Variants in NEGR1 observed in about 807,000 individuals in gnomAD.
The protein encoded by NEGR1 is IgLON family member 4.
A neutral mutation model predicts 40.9 loss-of-function variants in NEGR1; 10 were observed. The observed-to-expected ratio is 0.24, with a 90% CI of 0.15 to 0.42. NEGR1 has a LOEUF of 0.42. Ranked by LOEUF, NEGR1 falls within the 10% of genes least tolerant of loss-of-function variation. NEGR1 has a pLI of 1.00. For missense variants in NEGR1, 352 were observed against 438.9 expected (o/e 0.80, Z 1.77); for synonymous variants, 185 against 166.8 (o/e 1.11, Z -0.84).
At chr1:72,182,234 C>T (rs911660270) in intron 1 of NEGR1, among the ~76,000 whole-genome samples, 2 of 152,114 alleles carry the variant, frequency 1.3e-5, no homozygotes, top group African/African-American at 2.4e-5. Context: ...TGGCTTTTGC[C>T]TGTAATCCCA....
At chr1:71,924,393 C>A (rs900753607) in intron 2 of NEGR1, among the ~76,000 whole-genome samples, 2 of 152,168 alleles carry the variant, frequency 1.3e-5, no homozygotes, top group Non-Finnish European at 2.9e-5. Context: ...CCTGCCTGCT[C>A]TTTTAAAATG....
At chr1:72,170,338 TATAGCA>T (rs957253068) in intron 1 of NEGR1, among the ~76,000 whole-genome samples, 1 of 152,162 alleles carries the variant, frequency 6.6e-6, no homozygotes, top group Non-Finnish European at 1.5e-5. Flanking sequence ...GATTTATTTT[TATAGCA>T]ATTATTATCA....
At chr1:71,628,079 T>C (rs637576) in intron 4 of NEGR1, among the ~76,000 whole-genome samples, 2,707 of 152,158 alleles carry the variant, frequency 0.018, 74 homozygotes, top group African/African-American at 0.062. Context: ...GGGAATGTAT[T>C]TGGAAATTGA....
intron 1 of NEGR1, among the ~76,000 whole-genome samples, chr1:72,221,656 T>C (rs1239725089): frequency 6.6e-6 from 1 of 152,090 alleles, no homozygotes; most frequent in Non-Finnish European, 1.5e-5. Flanking sequence ...CCCCAGAAAG[T>C]AGCCTTAAAC....
chr1:71,738,784 T>C (rs1437360866), intron 3 of NEGR1, among the ~76,000 whole-genome samples: 1 of 152,060 alleles, frequency 6.6e-6, no homozygotes, highest in Non-Finnish European at 1.5e-5. Context: ...TTAAAAAATG[T>C]TTCTGGGACC....
intron 2 of NEGR1, among the ~76,000 whole-genome samples, chr1:71,874,555 ATCT>A (rs1330222826): frequency 6.6e-6 from 1 of 152,008 alleles, no homozygotes; most frequent in African/African-American, 2.4e-5. Flanking sequence ...TTTATGGTGT[ATCT>A]TCTTCTCTAT....
In NEGR1 at chr1:72,217,521, G is replaced by T. The variant is rs137957400; in HGVS notation, c.176+64798C>A. On this transcript the variant is annotated intron_variant, in intron 1 of 6. Coordinates refer to ENST00000357731, the MANE Select transcript of NEGR1 (RefSeq NM_173808.3). ...AAAAATATTAATACTTGGTAGCAAT[G>T]GGAAAAAACAGCATTACTTGGCAAT... Among the ~76,000 whole-genome samples the T allele has an allele frequency of 6.6e-3, 1,006 of 151,632 alleles. 16 individuals are homozygous for T. The highest frequency in any genetic ancestry group is 0.023 in the African/African-American group (958 of 41,452).
At chr1:71,676,376 T>G (rs961984152) in intron 4 of NEGR1, among the ~76,000 whole-genome samples, 1 of 53,960 alleles carries the variant, frequency 1.9e-5, no homozygotes, top group African/African-American at 6.5e-5. Context: ...AAAAATGATC[T>G]TGTGGCCTCA....
At chr1:72,022,723 T>C (rs528383200) in intron 1 of NEGR1, among the ~76,000 whole-genome samples, 1 of 152,208 alleles carries the variant, frequency 6.6e-6, no homozygotes, top group African/African-American at 2.4e-5. Flanking sequence ...TAGTATAATC[T>C]GACAAGAAAA....
At chr1:72,254,122 TTC>T (rs1456988575) in intron 1 of NEGR1, among the ~76,000 whole-genome samples, 4 of 152,218 alleles carry the variant, frequency 2.6e-5, no homozygotes, top group Non-Finnish European at 5.9e-5. Context: ...AATTTCACAC[TTC>T]TCTGTTTCTA....
At chr1:71,833,045 T>G (rs988872600) in intron 2 of NEGR1, among the ~76,000 whole-genome samples, 7 of 152,032 alleles carry the variant, frequency 4.6e-5, no homozygotes, top group African/African-American at 1.7e-4. Flanking sequence ...AATAGATCCA[T>G]AAATCTAAAG....
At chr1:72,070,570 T>C (rs554650558) in intron 1 of NEGR1, among the ~76,000 whole-genome samples, 8 of 152,156 alleles carry the variant, frequency 5.3e-5, no homozygotes, top group African/African-American at 1.9e-4. Flanking sequence ...GATTCTAAAC[T>C]CATCTTTTTG....
At chr1:71,498,937 G>C (rs986003325) in intron 6 of NEGR1, among the ~76,000 whole-genome samples, 1 of 152,186 alleles carries the variant, frequency 6.6e-6, no homozygotes, top group African/African-American at 2.4e-5. Flanking sequence ...GATGCAGCCA[G>C]TTTTATCCAA....
At chr1:72,240,772 C>T (rs1654706570) in intron 1 of NEGR1, among the ~76,000 whole-genome samples, 1 of 151,814 alleles carries the variant, frequency 6.6e-6, no homozygotes, top group Admixed American at 6.6e-5. Flanking sequence ...CCTGGGATGG[C>T]TTCACCAGAG....
At position 72,194,840 on chromosome 1, in the gene NEGR1, T is replaced by G. The variant is rs757309547; in HGVS notation, c.176+87479A>C. Among the ~76,000 whole-genome samples, 39 of 152,090 alleles carry G rather than the reference T, an allele frequency of 2.6e-4. 2 individuals are homozygous for G. The highest frequency in any genetic ancestry group is 8.8e-5 in the Non-Finnish European group (6 of 67,990). On this transcript the variant is annotated intron_variant, in intron 1 of 6. Transcript: ENST00000357731. ...GACATTCATGTTGTATCAGATGTTTTCATTGGCCTCAGCTCTTCTGCACAT... is the reference window on the plus strand; with the variant it reads ...GACATTCATGTTGTATCAGATGTTTGCATTGGCCTCAGCTCTTCTGCACAT...
chr1:72,224,261 G>A (rs1339912571), intron 1 of NEGR1, among the ~76,000 whole-genome samples: 1 of 151,272 alleles, frequency 6.6e-6, no homozygotes. Flanking sequence ...AACTATGTCA[G>A]TAAGGATGAC....
chr1:72,248,162 T>G (rs769260401), intron 1 of NEGR1, among the ~76,000 whole-genome samples: 5 of 152,026 alleles, frequency 3.3e-5, no homozygotes, highest in Non-Finnish European at 5.9e-5. Context: ...TAATTCAGTA[T>G]GAGATTTGGG....
intron 1 of NEGR1, among the ~76,000 whole-genome samples, chr1:72,199,689 A>G (rs1341247664): frequency 2.0e-5 from 3 of 152,022 alleles, no homozygotes; most frequent in African/African-American, 7.2e-5. Context: ...GCATTTTTAA[A>G]TTTAATTTCT....
At chr1:72,164,404 A>G (rs1455701591) in intron 1 of NEGR1, among the ~76,000 whole-genome samples, 1 of 151,954 alleles carries the variant, frequency 6.6e-6, no homozygotes, top group East Asian at 1.9e-4. Flanking sequence ...TTCAACCTTA[A>G]GGTCAACCAG....
Sources: gnomAD v4.1 joint callset for allele counts (sites outside exome capture counted in the v4.1 genomes callset) on GRCh38, gnomAD v4.1.1 for gene constraint, MANE v1.5 for transcripts, NCBI Gene and HGNC (gene_info 2026-07-23, HGNC 2026-07-21) for gene names.